The following SIL1 variants were observed in gnomAD, a reference collection of about 807,000 sequenced individuals.
The protein encoded by SIL1 is nucleotide exchange factor SIL1.
Under a neutral mutation model 49.1 loss-of-function variants are expected in SIL1, and 40 were observed. That is an observed-to-expected ratio of 0.81 (90% CI 0.63 to 1.06). The LOEUF (loss-of-function observed/expected upper bound fraction) is 1.06, where lower values mean the gene tolerates loss of function less well. Ranked by LOEUF, SIL1 falls within the 50% of genes least tolerant of loss-of-function variation. The pLI is 0.00. For missense variants in SIL1, 500 were observed against 572.6 expected, an observed-to-expected ratio of 0.87 and a Z score of 1.29; for synonymous variants, 253 against 250.8, an observed-to-expected ratio of 1.01 and a Z score of -0.08.
At chr5:139,051,104 G>T (rs1769275235) in intron 3 of SIL1, 58 bp from the exon 4 acceptor site, 2 of 1,529,680 alleles carry the variant, frequency 1.3e-6, no homozygotes, top group African/African-American at 1.4e-5. Flanking sequence ...AGGCTGTCGG[G>T]ATGGCCAGCA....
At chr5:139,186,022 A>G (rs1752072034) in intron 1 of SIL1, among the ~76,000 whole-genome samples, 1 of 152,232 alleles carries the variant, frequency 6.6e-6, no homozygotes, top group Admixed American at 6.5e-5. Flanking sequence ...CAGAGATGTC[A>G]TTAACAGAAG....
chr5:138,974,620 C>G (rs907767580), intron 7 of SIL1, among the ~76,000 whole-genome samples: 1 of 152,132 alleles, frequency 6.6e-6, no homozygotes, highest in Non-Finnish European at 1.5e-5. Context: ...TCAGGCATCA[C>G]GTGGAAGAAC....
At chr5:139,094,394 T>C (rs1770409645) in intron 3 of SIL1, among the ~76,000 whole-genome samples, 2 of 152,158 alleles carry the variant, frequency 1.3e-5, no homozygotes, top group African/African-American at 4.8e-5. Context: ...AAAATCTCTG[T>C]CCACTCAGGG....
chr5:139,063,001 C>T (rs933346053), intron 3 of SIL1, among the ~76,000 whole-genome samples: 1 of 152,158 alleles, frequency 6.6e-6, no homozygotes, highest in Non-Finnish European at 1.5e-5. Flanking sequence ...TTTCCAAGTC[C>T]AGAGAACAGC....
intron 1 of SIL1, among the ~76,000 whole-genome samples, chr5:139,151,201 T>C (rs1415934576): frequency 6.6e-6 from 1 of 152,034 alleles, no homozygotes; most frequent in Non-Finnish European, 1.5e-5. Flanking sequence ...AAAAAATATA[T>C]GTTGAATGAA....
intron 5 of SIL1, among the ~76,000 whole-genome samples, chr5:139,036,463 C>T (rs149154774): frequency 1.9e-4 from 29 of 152,244 alleles, no homozygotes; most frequent in African/African-American, 6.5e-4. Context: ...ATGGAATCAA[C>T]CTAAATGCCC....
At chr5:139,061,442 C>A (rs1561847499) in intron 3 of SIL1, among the ~76,000 whole-genome samples, 1 of 152,262 alleles carries the variant, frequency 6.6e-6, no homozygotes, top group Non-Finnish European at 1.5e-5. Context: ...TACGTGGACA[C>A]AATGGCAGAA....
intron 1 of SIL1, among the ~76,000 whole-genome samples, chr5:139,156,079 G>C (rs1751402954): frequency 6.6e-6 from 1 of 152,024 alleles, no homozygotes. Context: ...AAACTCTTAA[G>C]GAACTATCCT....
At chr5:139,009,112 T>A (rs1489052345) in intron 7 of SIL1, among the ~76,000 whole-genome samples, 3 of 151,676 alleles carry the variant, frequency 2.0e-5, no homozygotes, top group Non-Finnish European at 2.9e-5. Flanking sequence ...TCTTTGTAGG[T>A]CACTCAGGAC....
chr5:139,161,537 A>G (rs1007739080), intron 1 of SIL1, among the ~76,000 whole-genome samples: 1 of 152,212 alleles, frequency 6.6e-6, no homozygotes, highest in South Asian at 2.1e-4. Context: ...GCTAATGAAC[A>G]TCTGTCGGCT....
chr5:139,090,670 A>AGTAT (rs1157249672), intron 3 of SIL1, among the ~76,000 whole-genome samples: 3 of 152,140 alleles, frequency 2.0e-5, no homozygotes, highest in Non-Finnish European at 4.4e-5. Flanking sequence ...GGAGTGCAGT[A>AGTAT]GTATGATCAC....
chr5:138,962,271 G>GT (rs990096223), intron 7 of SIL1, among the ~76,000 whole-genome samples: 2 of 151,656 alleles, frequency 1.3e-5, no homozygotes, highest in Admixed American at 1.3e-4. Flanking sequence ...TAGTTTTTTG[G>GT]TGGGCTAAAA....
chr5:139,098,530 TG>T (rs60977331), intron 3 of SIL1, among the ~76,000 whole-genome samples: 2,734 of 152,322 alleles, frequency 0.018, 93 homozygotes, highest in African/African-American at 0.064. Flanking sequence ...GACACTGGTC[TG>T]GGCAAAGATT....
In SIL1 at chr5:139,024,136, T is replaced by G. The variant is rs1768593104; in HGVS notation, c.645+2665A>C. Among the ~76,000 whole-genome samples, 5 of 152,210 alleles carry G rather than the reference T, an allele frequency of 3.3e-5. No individual in the cohort carries two copies. In the South Asian group the frequency reaches 1.0e-3, roughly 32 times the overall value. On this transcript the variant is annotated intron_variant, in intron 6 of 9. Coordinates refer to ENST00000394817, the MANE Select transcript of SIL1 (RefSeq NM_022464.5). Reference sequence around the variant, plus strand: ...TAAGCTCTCCAGTCATTTTGGTGTTTCATGTGCAAGAGCCCATGGTGACCT... The same window carrying G: ...TAAGCTCTCCAGTCATTTTGGTGTTGCATGTGCAAGAGCCCATGGTGACCT...
chr5:139,173,102 C>CT (rs1392490181), intron 1 of SIL1, among the ~76,000 whole-genome samples: 1 of 152,094 alleles, frequency 6.6e-6, no homozygotes, highest in Middle Eastern at 3.2e-3. Flanking sequence ...ACATCAACAA[C>CT]TGAAAGGGGT....
intron 1 of SIL1, among the ~76,000 whole-genome samples, chr5:139,161,107 G>A (rs1368071456): frequency 1.3e-5 from 2 of 152,070 alleles, no homozygotes; most frequent in Non-Finnish European, 2.9e-5. Context: ...GCTGGGCATG[G>A]TGGCGCATGC....
intron 3 of SIL1, among the ~76,000 whole-genome samples, chr5:139,064,543 C>G (rs1769659628): frequency 6.6e-6 from 1 of 152,236 alleles, no homozygotes. Flanking sequence ...CGAGGTTATT[C>G]ACCTGAGCCT....
intron 4 of SIL1, among the ~76,000 whole-genome samples, chr5:139,047,535 A>C (rs1297772376): frequency 6.6e-6 from 1 of 152,264 alleles, no homozygotes; most frequent in East Asian, 1.9e-4. Flanking sequence ...CTGTGGGATC[A>C]CTAACTTCTT....
chr5:139,028,363 TG>T (rs1768709204), intron 5 of SIL1, among the ~76,000 whole-genome samples: 2 of 152,042 alleles, frequency 1.3e-5, no homozygotes, highest in South Asian at 4.2e-4. Flanking sequence ...CCGGGCATGG[TG>T]GCTCACACCT....
Sources: allele counts gnomAD v4.1 joint callset (sites outside exome capture counted in the v4.1 genomes callset), GRCh38; gene constraint gnomAD v4.1.1; transcripts MANE v1.5; gene names NCBI Gene and HGNC (gene_info 2026-07-23, HGNC 2026-07-21).